The following KCNIP4 variants were observed in gnomAD, a reference collection of about 807,000 sequenced individuals.
The protein encoded by KCNIP4 is potassium voltage-gated channel interacting protein 4.
A neutral mutation model predicts 34.0 loss-of-function variants in KCNIP4; 12 were observed. That is an observed-to-expected ratio of 0.35 (90% confidence interval 0.23 to 0.57). The LOEUF (loss-of-function observed/expected upper bound fraction) is 0.57. Among genes scored for constraint, KCNIP4 ranks in the 20% least tolerant of loss-of-function variants. The pLI is 0.83. For synonymous variants in KCNIP4, 124 were observed against 102.2 expected, an observed-to-expected ratio of 1.21 and a Z score of -1.29; for missense variants, 238 against 311.7, an observed-to-expected ratio of 0.76 and a Z score of 1.78.
chr4:21,224,831 C>T (rs952210227), intron 1 of KCNIP4, among the ~76,000 whole-genome samples: 8 of 151,986 alleles, frequency 5.3e-5, no homozygotes, highest in Non-Finnish European at 1.2e-4. Context: ...AAATGATCCA[C>T]CCTCCTTGGC....
At chr4:21,591,700 A>T (rs1289006800) in intron 1 of KCNIP4, among the ~76,000 whole-genome samples, 1 of 152,028 alleles carries the variant, frequency 6.6e-6, no homozygotes, top group Non-Finnish European at 1.5e-5. Context: ...CATTTGTTCT[A>T]TATTTGTATG....
intron 3 of KCNIP4, among the ~76,000 whole-genome samples, chr4:20,769,972 A>G (rs1400426496): frequency 1.3e-5 from 2 of 152,208 alleles, no homozygotes; most frequent in East Asian, 1.9e-4. Context: ...CTTAAGGTCA[A>G]CTGCCCTGAG....
intron 1 of KCNIP4, among the ~76,000 whole-genome samples, chr4:20,892,542 T>A (rs931467301): frequency 2.0e-5 from 3 of 152,170 alleles, no homozygotes; most frequent in African/African-American, 4.8e-5. Context: ...CTCCTTTATC[T>A]TTTTCTGCTC....
At chr4:21,383,138 C>A (rs1401056236) in intron 1 of KCNIP4, among the ~76,000 whole-genome samples, 2 of 152,128 alleles carry the variant, frequency 1.3e-5, no homozygotes, top group Admixed American at 1.3e-4. Context: ...AGAAGTCGGC[C>A]ATCTGCAAGC....
chr4:21,467,940 G>A (rs984545525), intron 1 of KCNIP4, among the ~76,000 whole-genome samples: 4 of 152,174 alleles, frequency 2.6e-5, no homozygotes, highest in African/African-American at 9.7e-5. Context: ...TGGGCAGCAA[G>A]CCTTGGGTAG....
intron 1 of KCNIP4, among the ~76,000 whole-genome samples, chr4:21,855,023 G>T (rs1179792196): frequency 6.6e-6 from 1 of 152,060 alleles, no homozygotes; most frequent in African/African-American, 2.4e-5. Flanking sequence ...ATTTGCCCCT[G>T]CCAACTCTTC....
rs559557519 is a variant in KCNIP4, at chr4:20,836,812, A to G, written c.288+13731T>C. Among the ~76,000 whole-genome samples, 4 of 152,182 alleles carry G rather than the reference A, an allele frequency of 2.6e-5. No homozygotes were observed. In the South Asian group the frequency reaches 8.3e-4, roughly 32 times the overall value. On this transcript the variant is annotated intron_variant, in intron 3 of 8. Transcript: ENST00000382152. ...ATAGCTTAGTTGACATATAAAACTT[A>G]TCATCATACTTTCCTTAGGTCTCCT...
At chr4:21,000,397 GA>G (rs371047598) in intron 1 of KCNIP4, among the ~76,000 whole-genome samples, 27 of 147,238 alleles carry the variant, frequency 1.8e-4, no homozygotes, top group Admixed American at 8.8e-4. Context: ...ACTAAAAAAA[GA>G]AAAAAAAAAG....
At chr4:21,366,874 T>C (rs1031750747) in intron 1 of KCNIP4, among the ~76,000 whole-genome samples, 1 of 152,122 alleles carries the variant, frequency 6.6e-6, no homozygotes, top group African/African-American at 2.4e-5. Context: ...GGGGTTGTCA[T>C]GGTCTAAATG....
At position 21,691,774 on chromosome 4, in the gene KCNIP4, C is replaced by T. The variant is rs529966580; in HGVS notation, c.61+256797G>A. 1.7e-4 allele frequency among the ~76,000 whole-genome samples: 26 copies of T among 150,266 alleles called. No individual in the cohort carries two copies. The South Asian group carries it at 5.1e-3, about 29-fold the overall frequency. ...GAGTGCAATGGCGCCATCTTGGCCA[C>T]TGCAACCTCCGCTTCCAGAATTCAA... On this transcript the variant is annotated intron_variant, in intron 1 of 8. Transcript: ENST00000382152.
At chr4:21,150,976 T>C (rs1384130352) in intron 1 of KCNIP4, among the ~76,000 whole-genome samples, 1 of 152,210 alleles carries the variant, frequency 6.6e-6, no homozygotes. Context: ...TTGTATCTTG[T>C]TATCACTCAG....
chr4:20,868,939 A>C (rs570068175), intron 2 of KCNIP4, among the ~76,000 whole-genome samples: 7 of 152,214 alleles, frequency 4.6e-5, no homozygotes, highest in African/African-American at 1.7e-4. Context: ...CCATGTAACA[A>C]ATCTGAACAT....
chr4:21,370,549 GA>G (rs199953604), intron 1 of KCNIP4, among the ~76,000 whole-genome samples: 6 of 141,102 alleles, frequency 4.3e-5, no homozygotes, highest in South Asian at 4.4e-4. Flanking sequence ...GTGCTATTGA[GA>G]AAAAAAAAGA....
chr4:21,386,729 C>A (rs190457167), intron 1 of KCNIP4, among the ~76,000 whole-genome samples: 82 of 152,228 alleles, frequency 5.4e-4, no homozygotes, highest in Admixed American at 1.1e-3. Flanking sequence ...ACACGACTAA[C>A]ATTTTTAGAG....
At chr4:21,589,274 A>ATATG (rs1741961995) in intron 1 of KCNIP4, among the ~76,000 whole-genome samples, 1 of 143,444 alleles carries the variant, frequency 7.0e-6, no homozygotes, top group South Asian at 2.2e-4. Context: ...AGATACATAT[A>ATATG]TGTATAGATA....
chr4:21,372,254 A>G (rs185705828), intron 1 of KCNIP4, among the ~76,000 whole-genome samples: 32 of 147,180 alleles, frequency 2.2e-4, no homozygotes, highest in Middle Eastern at 6.8e-3. Context: ...TTATGTATCC[A>G]TTTATAATTT....
intron 1 of KCNIP4, among the ~76,000 whole-genome samples, chr4:20,928,544 C>A (rs547618549): frequency 6.6e-6 from 1 of 151,628 alleles, no homozygotes; most frequent in Non-Finnish European, 1.5e-5. Flanking sequence ...AATAGCCTAA[C>A]ATTATGCCTC....
At chr4:20,841,366 G>T (rs1719695347) in intron 3 of KCNIP4, among the ~76,000 whole-genome samples, 1 of 152,120 alleles carries the variant, frequency 6.6e-6, no homozygotes, top group East Asian at 1.9e-4. Flanking sequence ...TTAAAGAATA[G>T]GGGAGGAGTC....
At chr4:21,881,109 T>A (rs953273696) in intron 1 of KCNIP4, among the ~76,000 whole-genome samples, 1 of 152,164 alleles carries the variant, frequency 6.6e-6, no homozygotes, top group Non-Finnish European at 1.5e-5. Context: ...GTCTCCAAGT[T>A]CTTAATTTCC....
Sources: gnomAD v4.1 joint callset for allele counts (sites outside exome capture counted in the v4.1 genomes callset) on GRCh38, gnomAD v4.1.1 for gene constraint, MANE v1.5 for transcripts, NCBI Gene and HGNC (gene_info 2026-07-23, HGNC 2026-07-21) for gene names.